FABP6: variants seen among roughly 807,000 people sequenced by gnomAD.
FABP6 encodes the protein fatty acid binding protein 6.
Under a neutral mutation model 14.9 loss-of-function variants are expected in FABP6, and 13 were observed. The observed-to-expected ratio is 0.87, with a 90% CI of 0.57 to 1.39. The LOEUF (loss-of-function observed/expected upper bound fraction) is 1.39. Ranked by LOEUF, FABP6 falls within the 40% of genes most tolerant of loss-of-function variation. The pLI is 0.00. For synonymous variants in FABP6, 75 were observed against 63.6 expected (o/e 1.18, Z -0.85); for missense variants, 161 against 167.2 (o/e 0.96, Z 0.20).
rs150419493 is a variant in FABP6, at chr5:160,212,432, G to A, written c.52-1304G>A. ...GCCTCCCAAAGTGCTGGGATTTCAGGCATGAGCTTCTGCGTCTGGCCCTAC... is the reference window on the plus strand; with the variant it reads ...GCCTCCCAAAGTGCTGGGATTTCAGACATGAGCTTCTGCGTCTGGCCCTAC... On this transcript the variant is annotated intron_variant, in intron 2 of 6. Coordinates refer to the FABP6 transcript ENST00000393980. Among the ~76,000 whole-genome samples, 700 of 152,076 alleles carry A rather than the reference G, an allele frequency of 4.6e-3. 6 individuals are homozygous for A. Among genetic ancestry groups the A allele is most frequent in the African/African-American group, 0.016 (669 of 41,476 alleles).
At chr5:160,205,239 C>T (rs1759736716) in intron 2 of FABP6, among the ~76,000 whole-genome samples, 4 of 143,432 alleles carry the variant, frequency 2.8e-5, no homozygotes, top group Admixed American at 7.6e-5. Flanking sequence ...TTTGCTCTCT[C>T]AGCAGGAAGC....
chr5:160,230,037 C>A (rs1580922402), intron 1 of FABP6, among the ~76,000 whole-genome samples: 4 of 41,084 alleles, frequency 9.7e-5, no homozygotes, highest in African/African-American at 2.4e-4. Context: ...CCACGCCCGG[C>A]TAATTTTTTT....
chr5:160,221,328 G>C (rs1036129599), intron 3 of FABP6, among the ~76,000 whole-genome samples: 3 of 151,996 alleles, frequency 2.0e-5, no homozygotes, highest in African/African-American at 7.2e-5. Context: ...CTACAGGTTG[G>C]ACTAATCAAA....
At chr5:160,203,956 C>T (rs1160528660) in intron 2 of FABP6, among the ~76,000 whole-genome samples, 1 of 152,026 alleles carries the variant, frequency 6.6e-6, no homozygotes, top group Non-Finnish European at 1.5e-5. Context: ...CCACCTTGGC[C>T]TCCCAAAGTG....
intron 3 of FABP6, among the ~76,000 whole-genome samples, chr5:160,236,032 T>C (rs1262923703): frequency 3.4e-5 from 5 of 148,384 alleles, no homozygotes; most frequent in African/African-American, 7.4e-5. Context: ...TTTTTTTTTT[T>C]CGAAACAGAG....
chr5:160,228,166 C>A (rs1050614109), upstream of FABP6, among the ~76,000 whole-genome samples: 7 of 151,858 alleles, frequency 4.6e-5, no homozygotes, highest in Non-Finnish European at 1.0e-4. Flanking sequence ...CTGAGGCAGG[C>A]GGATCACTTG....
intron 2 of FABP6, among the ~76,000 whole-genome samples, chr5:160,207,779 G>A (rs1169410756): frequency 1.3e-5 from 2 of 148,504 alleles, no homozygotes; most frequent in Admixed American, 6.8e-5. Flanking sequence ...GCTGGAGTGC[G>A]ATGGCATGAT....
rs1292116007 is a variant in FABP6, at chr5:160,229,540, C to T, written c.-18C>T. The T allele has an allele frequency of 6.2e-7, 1 of 1,613,914 alleles. No individual in the cohort carries two copies. The highest frequency in any genetic ancestry group is 2.2e-5 in the East Asian group (1 of 44,878). ...TCTCCTCATCCCTCTGCTCTCTGGC[C>T]TCCAGCCTCCCAGCAGCATGGCTTT... On this transcript the variant is annotated 5_prime_UTR_variant, in exon 1 of 4. Transcript: ENST00000402432.
intron 3 of FABP6, among the ~76,000 whole-genome samples, chr5:160,219,502 A>G (rs1395066701): frequency 6.6e-6 from 1 of 152,166 alleles, no homozygotes; most frequent in Non-Finnish European, 1.5e-5. Flanking sequence ...AGGTAAACCC[A>G]GGAGAAGAGG....
chr5:160,199,039 G>C, intron 1 of FABP6: 1 of 1,562,358 alleles, frequency 6.4e-7, no homozygotes, highest in East Asian at 2.2e-5. Context: ...GGCTTTTTGT[G>C]TCATTGCAGA....
intron 3 of FABP6, among the ~76,000 whole-genome samples, chr5:160,222,443 C>T (rs7725207): frequency 0.11 from 17,201 of 152,064 alleles, 1,446 homozygotes; most frequent in East Asian, 0.36. Flanking sequence ...AAGTGATTCA[C>T]CTGCCTCAGC....
At chr5:160,208,691 G>C (rs1180113498) in intron 2 of FABP6, among the ~76,000 whole-genome samples, 1 of 152,192 alleles carries the variant, frequency 6.6e-6, no homozygotes. Context: ...ACTTTGGGAG[G>C]CCAAAGCAGG....
upstream of FABP6, among the ~76,000 whole-genome samples, chr5:160,225,288 G>T (rs1215733272): frequency 6.6e-6 from 1 of 151,162 alleles, no homozygotes; most frequent in Non-Finnish European, 1.5e-5. Flanking sequence ...CTAGAGATGG[G>T]GTTCTGCCAT....
upstream of FABP6, among the ~76,000 whole-genome samples, chr5:160,226,648 G>T (rs1183747781): frequency 6.6e-6 from 1 of 152,086 alleles, no homozygotes; most frequent in Non-Finnish European, 1.5e-5. Flanking sequence ...GGTGAAATGG[G>T]GGCAATAACA....
At chr5:160,195,955 A>G (rs1221141552) in intron 1 of FABP6, 2 of 152,334 alleles carry the variant, frequency 1.3e-5, no homozygotes, top group African/African-American at 4.8e-5. Context: ...TCCCTGTTGG[A>G]ACAGAAGAGT....
At chr5:160,209,360 T>A (rs1449646873) in intron 2 of FABP6, among the ~76,000 whole-genome samples, 1 of 151,696 alleles carries the variant, frequency 6.6e-6, no homozygotes, top group African/African-American at 2.4e-5. Context: ...CACAAAAAAA[T>A]AAAAAAACAA....
chr5:160,204,427 C>T (rs1295644827), intron 2 of FABP6, among the ~76,000 whole-genome samples: 8 of 152,104 alleles, frequency 5.3e-5, no homozygotes, highest in Admixed American at 4.6e-4. Flanking sequence ...GATGCATGAA[C>T]GTGCTCAGCC....
chr5:160,211,577 G>T (rs1263082902), intron 2 of FABP6, among the ~76,000 whole-genome samples: 1 of 152,194 alleles, frequency 6.6e-6, no homozygotes, highest in African/African-American at 2.4e-5. Flanking sequence ...TGAGTCATGA[G>T]TGCAGTACTA....
intron 3 of FABP6, among the ~76,000 whole-genome samples, chr5:160,218,131 A>G (rs538928708): frequency 2.8e-4 from 42 of 151,766 alleles, no homozygotes; most frequent in African/African-American, 7.7e-4. Flanking sequence ...TTTTTTAGGG[A>G]CAAGTTCTTG....
Sources: gnomAD v4.1 joint callset for allele counts (sites outside exome capture counted in the v4.1 genomes callset) on GRCh38, gnomAD v4.1.1 for gene constraint, MANE v1.5 for transcripts, NCBI Gene and HGNC (gene_info 2026-07-23, HGNC 2026-07-21) for gene names.